CSMD1: variants seen among roughly 807,000 people sequenced by gnomAD.
CSMD1 encodes CUB and Sushi multiple domains 1.
CSMD1 carries 213 observed loss-of-function variants against 417.5 expected under a neutral mutation model. The ratio of observed to expected loss-of-function variants is 0.51; its 90% CI spans 0.46 to 0.57. The LOEUF is 0.57. Among genes scored for constraint, CSMD1 ranks in the 20% least tolerant of loss-of-function variants. CSMD1 has a pLI of 0.00. For missense variants in CSMD1, 6,923 were observed against 4,529.7 expected (o/e 1.53, Z -15.17); for synonymous variants, 2,862 against 1,736.8 (o/e 1.65, Z -16.11).
chr8:4,849,465 C>T (rs980993918), intron 1 of CSMD1, among the ~76,000 whole-genome samples: 1 of 152,052 alleles, frequency 6.6e-6, no homozygotes, highest in Non-Finnish European at 1.5e-5. Context: ...CAATAGTGAA[C>T]AGTAATCTCC....
At chr8:4,709,976 A>G (rs1038825941) in intron 1 of CSMD1, among the ~76,000 whole-genome samples, 8 of 152,216 alleles carry the variant, frequency 5.3e-5, no homozygotes, top group Admixed American at 5.2e-4. Flanking sequence ...CGATTTAGAA[A>G]TTTTGATAAA....
intron 52 of CSMD1, among the ~76,000 whole-genome samples, chr8:3,010,840 T>C (rs988983132): frequency 6.6e-6 from 1 of 151,318 alleles, no homozygotes; most frequent in Non-Finnish European, 1.5e-5. Context: ...ACCTCCCGGG[T>C]TCACGCGATT....
intron 3 of CSMD1, among the ~76,000 whole-genome samples, chr8:4,322,694 A>G (rs1321472222): frequency 1.3e-5 from 2 of 152,168 alleles, no homozygotes; most frequent in Non-Finnish European, 2.9e-5. Flanking sequence ...AGATGGTGAC[A>G]AGGTTGAAAA....
intron 26 of CSMD1, among the ~76,000 whole-genome samples, chr8:3,283,610 C>T (rs1053205810): frequency 1.3e-5 from 2 of 152,082 alleles, no homozygotes; most frequent in Non-Finnish European, 2.9e-5. Flanking sequence ...CTCTACTTGC[C>T]CCTTCTGCCC....
intron 2 of CSMD1, among the ~76,000 whole-genome samples, chr8:4,499,329 C>T (rs137998918): frequency 6.6e-6 from 1 of 152,220 alleles, no homozygotes; most frequent in Admixed American, 6.5e-5. Context: ...CAGGGAGATG[C>T]CCATATGGGG....
At position 3,325,200 on chromosome 8, in the gene CSMD1, C is replaced by T. The variant is rs149065731; in HGVS notation, c.3632-16697G>A. ...AGTGTTTTCTTCCTGAGACGGTGTC[C>T]AGGTCTCCAGGCTGTTTAACTTCCT... On this transcript the variant is annotated intron_variant, in intron 23 of 69. Coordinates refer to ENST00000635120, the MANE Select transcript of CSMD1 (RefSeq NM_033225.6). Among the ~76,000 whole-genome samples, 627 of 152,296 alleles carry T rather than the reference C, an allele frequency of 4.1e-3. 2 individuals are homozygous for T. The highest frequency in any genetic ancestry group is 5.7e-3 in the Non-Finnish European group (389 of 68,028).
chr8:3,213,843 T>A (rs115530271), intron 30 of CSMD1, among the ~76,000 whole-genome samples: 3,225 of 142,046 alleles, frequency 0.023, 108 homozygotes, highest in African/African-American at 0.085. Context: ...TGTGTGTGTG[T>A]GTATATACAT....
intron 1 of CSMD1, among the ~76,000 whole-genome samples, chr8:4,977,560 T>C (rs1389465390): frequency 6.6e-6 from 1 of 152,226 alleles, no homozygotes; most frequent in Non-Finnish European, 1.5e-5. Context: ...GCACAGTGGC[T>C]GGCTCCAGCC....
chr8:4,243,247 A>AG (rs1802506993), intron 3 of CSMD1, among the ~76,000 whole-genome samples: 2 of 152,170 alleles, frequency 1.3e-5, no homozygotes, highest in African/African-American at 4.8e-5. Context: ...GGAGATCACC[A>AG]GCTCAGGTAT....
intron 15 of CSMD1, 67 bp from the exon 16 acceptor site, chr8:3,399,596 G>C (rs1354707953): frequency 2.0e-5 from 25 of 1,237,574 alleles, no homozygotes; most frequent in African/African-American, 3.0e-5. Context: ...ACAATACCCG[G>C]ATAAAAGCCA....
chr8:3,879,149 C>G (rs765172093), intron 5 of CSMD1, among the ~76,000 whole-genome samples: 1 of 152,058 alleles, frequency 6.6e-6, no homozygotes. Flanking sequence ...TTTATTAGTA[C>G]TATCAAAGCC....
intron 3 of CSMD1, among the ~76,000 whole-genome samples, chr8:4,415,837 G>T (rs1438875952): frequency 6.6e-6 from 1 of 152,164 alleles, no homozygotes; most frequent in Non-Finnish European, 1.5e-5. Flanking sequence ...TTGTGTATGT[G>T]TGTATACGTA....
chr8:4,279,417 T>A (rs1307666549), intron 3 of CSMD1, among the ~76,000 whole-genome samples: 2 of 152,184 alleles, frequency 1.3e-5, no homozygotes, highest in African/African-American at 4.8e-5. Context: ...AAATGTGAAT[T>A]TTTGGCAGTA....
intron 1 of CSMD1, among the ~76,000 whole-genome samples, chr8:4,935,785 A>G (rs1016425970): frequency 3.3e-5 from 5 of 152,224 alleles, no homozygotes; most frequent in African/African-American, 1.2e-4. Flanking sequence ...AAGACGAGGA[A>G]TACAAGAATA....
intron 1 of CSMD1, among the ~76,000 whole-genome samples, chr8:4,651,654 T>A (rs147465317): frequency 6.6e-6 from 1 of 152,314 alleles, no homozygotes; most frequent in African/African-American, 2.4e-5. Flanking sequence ...CTGGGATAAT[T>A]CTCTTTCAAT....
chr8:4,731,757 G>A (rs1809886760), intron 1 of CSMD1, among the ~76,000 whole-genome samples: 1 of 152,130 alleles, frequency 6.6e-6, no homozygotes, highest in African/African-American at 2.4e-5. Flanking sequence ...CTAGTAGTTT[G>A]GGAAGTGATG....
At chr8:3,922,618 G>C (rs1225055512) in intron 5 of CSMD1, among the ~76,000 whole-genome samples, 1 of 152,008 alleles carries the variant, frequency 6.6e-6, no homozygotes, top group African/African-American at 2.4e-5. Context: ...AGTCTATTTT[G>C]TGGCTGATAA....
chr8:4,068,252 G>T (rs1012000401), intron 3 of CSMD1, among the ~76,000 whole-genome samples: 1 of 152,148 alleles, frequency 6.6e-6, no homozygotes, highest in Non-Finnish European at 1.5e-5. Flanking sequence ...ACCCCTCAAA[G>T]GTTGCCCTCC....
intron 26 of CSMD1, among the ~76,000 whole-genome samples, chr8:3,241,066 TG>T (rs1383702824): frequency 1.5e-4 from 22 of 147,392 alleles, no homozygotes; most frequent in Admixed American, 2.2e-4. Flanking sequence ...TGGGTTAAGG[TG>T]AGGGGATACA....
Sources: gnomAD v4.1 joint callset for allele counts (sites outside exome capture counted in the v4.1 genomes callset) on GRCh38, gnomAD v4.1.1 for gene constraint, MANE v1.5 for transcripts, NCBI Gene and HGNC (gene_info 2026-07-23, HGNC 2026-07-21) for gene names.